MAST4: variants seen among roughly 807,000 people sequenced by gnomAD.
The protein encoded by MAST4 is microtubule associated serine/threonine kinase family member 4, also known as microtubule-associated serine/threonine-protein kinase 4.
MAST4 carries 89 observed loss-of-function variants against 162.7 expected under a neutral mutation model. The ratio of observed to expected loss-of-function variants is 0.55; its 90% CI spans 0.46 to 0.65. The LOEUF is 0.65. Among genes scored for constraint, MAST4 ranks in the 30% least tolerant of loss-of-function variants. The probability of loss-of-function intolerance (pLI) is 0.00; values close to 1 mark genes in which losing one functional copy is unlikely to be tolerated. For missense variants in MAST4, 3,153 were observed against 3,374.0 expected, an observed-to-expected ratio of 0.93 and a Z score of 1.62; for synonymous variants, 1,479 against 1,361.1, an observed-to-expected ratio of 1.09 and a Z score of -1.91.
chr5:67,006,556 T>A (rs1400460456), intron 4 of MAST4, among the ~76,000 whole-genome samples: 2 of 152,224 alleles, frequency 1.3e-5, no homozygotes, highest in Non-Finnish European at 2.9e-5. Context: ...AGTTGTGTAG[T>A]CCTGGCTGCG....
chr5:66,987,562 A>T (rs1303708479), intron 4 of MAST4, among the ~76,000 whole-genome samples: 3 of 152,250 alleles, frequency 2.0e-5, no homozygotes, highest in East Asian at 3.9e-4. Flanking sequence ...AAGAAAATCC[A>T]GTTTCCTTTG....
rs184600082 is a variant in MAST4, at chr5:66,723,107, G to A, written c.364-36602G>A. ...TTCAGCAGCCTTGGTTTTTGGAGGT[G>A]ATATGAATATTTACTCCTACGTCTT... On this transcript the variant is annotated intron_variant, in intron 1 of 28. Coordinates refer to ENST00000403625, the MANE Select transcript of MAST4 (RefSeq NM_001164664.2). Among the ~76,000 whole-genome samples the A allele has an allele frequency of 1.7e-3, 255 of 152,266 alleles. 1 individual carries two copies. The highest frequency in any genetic ancestry group is 5.6e-3 in the African/African-American group (233 of 41,548).
chr5:66,918,727 G>A (rs1378358570), intron 4 of MAST4, among the ~76,000 whole-genome samples: 1 of 152,126 alleles, frequency 6.6e-6, no homozygotes, highest in Non-Finnish European at 1.5e-5. Flanking sequence ...ACATCCTCAT[G>A]TAGGTTCTAC....
At chr5:67,058,330 TG>T (rs1380526809) in intron 5 of MAST4, among the ~76,000 whole-genome samples, 3 of 152,292 alleles carry the variant, frequency 2.0e-5, no homozygotes, top group African/African-American at 7.2e-5. Context: ...AGGGTTGATG[TG>T]AATTAGTGTA....
chr5:67,051,416 G>T (rs1758166618), intron 4 of MAST4, among the ~76,000 whole-genome samples: 1 of 152,104 alleles, frequency 6.6e-6, no homozygotes, highest in Non-Finnish European at 1.5e-5. Flanking sequence ...TCAGCATTTT[G>T]CACCAATGTT....
At chr5:66,946,995 C>G (rs1744105925) in intron 4 of MAST4, among the ~76,000 whole-genome samples, 1 of 152,034 alleles carries the variant, frequency 6.6e-6, no homozygotes, top group Non-Finnish European at 1.5e-5. Context: ...TTAGTGCCCC[C>G]TAATGAGATG....
At chr5:66,837,880 A>ATATG (rs1456953407) in intron 3 of MAST4, among the ~76,000 whole-genome samples, 1 of 51,906 alleles carries the variant, frequency 1.9e-5, no homozygotes, top group African/African-American at 1.1e-4. Context: ...ATATATATAT[A>ATATG]TATATATATA....
intron 1 of MAST4, among the ~76,000 whole-genome samples, chr5:66,687,001 AT>A (rs1436432565): frequency 6.6e-6 from 1 of 151,956 alleles, no homozygotes; most frequent in South Asian, 2.1e-4. Flanking sequence ...ATGTTCTTAA[AT>A]TTTTTTTCAG....
intron 1 of MAST4, among the ~76,000 whole-genome samples, chr5:66,660,714 TG>T (rs1163201700): frequency 6.6e-6 from 1 of 152,172 alleles, no homozygotes; most frequent in Non-Finnish European, 1.5e-5. Context: ...GATTTTAATT[TG>T]GGGGATAAAA....
At chr5:67,155,838 G>A (rs540855247) in intron 26 of MAST4, among the ~76,000 whole-genome samples, 55 of 152,222 alleles carry the variant, frequency 3.6e-4, no homozygotes, top group African/African-American at 1.1e-3. Context: ...GAGGTGGGGC[G>A]ATCACGAGGT....
chr5:67,024,178 T>G (rs900484430), intron 4 of MAST4, among the ~76,000 whole-genome samples: 2 of 151,646 alleles, frequency 1.3e-5, no homozygotes, highest in South Asian at 4.2e-4. Flanking sequence ...GTGGCTTGCT[T>G]ATTTCACTTA....
At chr5:66,735,664 GT>G (rs888685064) in intron 1 of MAST4, among the ~76,000 whole-genome samples, 2 of 152,116 alleles carry the variant, frequency 1.3e-5, no homozygotes, top group East Asian at 1.9e-4. Context: ...ATGTGAATAT[GT>G]TTTTATATGT....
chr5:67,067,144 T>C (rs1479617777), intron 5 of MAST4, among the ~76,000 whole-genome samples: 2 of 152,218 alleles, frequency 1.3e-5, no homozygotes, highest in East Asian at 1.9e-4. Context: ...GAAACCTCCT[T>C]CTACTATGTA....
chr5:66,838,160 T>G (rs535128962), intron 3 of MAST4, among the ~76,000 whole-genome samples: 1 of 151,998 alleles, frequency 6.6e-6, no homozygotes, highest in South Asian at 2.1e-4. Context: ...TGGTTTCCAT[T>G]AGAAAACCAC....
chr5:67,167,065 G>A lies in MAST4; in HGVS notation c.*14G>A, dbSNP rs1321188732. ...AAGGCCTTGTAACGGGGAGGGCCCA[G>A]GGGCAGGACTGTGGAGACCCGTCCT... On this transcript the variant is annotated 3_prime_UTR_variant, in exon 29 of 29. Transcript: ENST00000403625. 2.6e-6 allele frequency: 4 copies of A among 1,557,962 alleles called. No individual in the cohort carries two copies. In the South Asian group the frequency reaches 3.6e-5, roughly 14 times the overall value.
chr5:66,786,346 A>G (rs1755120144), intron 2 of MAST4, among the ~76,000 whole-genome samples: 1 of 151,890 alleles, frequency 6.6e-6, no homozygotes, highest in Non-Finnish European at 1.5e-5. Context: ...GTGAGGCTAT[A>G]GTGGGTTCTC....
chr5:66,669,991 G>A (rs921218470), intron 1 of MAST4, among the ~76,000 whole-genome samples: 20 of 152,202 alleles, frequency 1.3e-4, no homozygotes, highest in African/African-American at 4.6e-4. Context: ...ATGACAAGAG[G>A]TGAGCCTGGG....
chr5:66,932,564 G>C (rs1742298738), intron 4 of MAST4, among the ~76,000 whole-genome samples: 2 of 152,150 alleles, frequency 1.3e-5, no homozygotes, highest in African/African-American at 4.8e-5. Flanking sequence ...TAAATTCCTT[G>C]CATGGCTGAT....
At chr5:66,599,173 G>A (rs996130794) in intron 1 of MAST4, among the ~76,000 whole-genome samples, 1 of 152,202 alleles carries the variant, frequency 6.6e-6, no homozygotes, top group Admixed American at 6.5e-5. Flanking sequence ...GAGTAGAGGA[G>A]TGATAATCTT....
Sources: allele counts gnomAD v4.1 joint callset (sites outside exome capture counted in the v4.1 genomes callset), GRCh38; gene constraint gnomAD v4.1.1; transcripts MANE v1.5; gene names NCBI Gene and HGNC (gene_info 2026-07-23, HGNC 2026-07-21).